Variants in SESTD1 observed in about 807,000 individuals in gnomAD.
SESTD1 encodes the protein SEC14 and spectrin domain containing 1, also known as SEC14 domain and spectrin repeat-containing protein 1.
Under a neutral mutation model 101.7 loss-of-function variants are expected in SESTD1, and 43 were observed. The observed-to-expected ratio is 0.42, with a 90% CI of 0.33 to 0.55. The LOEUF is 0.55. Among genes scored for constraint, SESTD1 ranks in the 20% least tolerant of loss-of-function variants. SESTD1 has a pLI of 0.07. For missense variants in SESTD1, 647 were observed against 815.1 expected (o/e 0.79, Z 2.51); for synonymous variants, 283 against 286.8 (o/e 0.99, Z 0.13).
At position 179,103,809 on chromosome 2, in the gene SESTD1, C is replaced by T. The variant is rs1264562873; in HGVS notation, c.*6090G>A. On this transcript the variant is annotated 3_prime_UTR_variant, in exon 18 of 18. Coordinates refer to ENST00000428443, the MANE Select transcript of SESTD1 (RefSeq NM_178123.5). The stretch of plus-strand genomic sequence containing the variant: ...GGGTGGTGATAACGTTTCCTATTTC[C>T]ATAGCACTATATGCATTTGCCAAAC... The T allele has an allele frequency of 6.6e-6, 1 of 152,080 alleles. No individual in the cohort carries two copies. The highest frequency in any genetic ancestry group is 1.9e-4 in the East Asian group (1 of 5,190). 9.4% of individuals were successfully genotyped at this position (152,080 alleles called of 1,614,324 possible). A position where few individuals can be genotyped will look rare whatever the true frequency, so the allele number is the denominator to read the frequency against.
chr2:179,257,197 C>T (rs759322543), intron 1 of SESTD1, among the ~76,000 whole-genome samples: 3 of 151,540 alleles, frequency 2.0e-5, no homozygotes, highest in Non-Finnish European at 2.9e-5. Context: ...TGAACCTATT[C>T]TGGTTCAGGG....
At chr2:179,252,218 C>T (rs1386355219) in intron 1 of SESTD1, among the ~76,000 whole-genome samples, 1 of 152,168 alleles carries the variant, frequency 6.6e-6, no homozygotes, top group Non-Finnish European at 1.5e-5. Context: ...ATTCAGAGGC[C>T]CTAATGCATC....
At chr2:179,159,223 G>T (rs1229172639) in intron 5 of SESTD1, among the ~76,000 whole-genome samples, 1 of 151,388 alleles carries the variant, frequency 6.6e-6, no homozygotes, top group East Asian at 1.9e-4. Flanking sequence ...CCAGTGCACT[G>T]CAAAAATACA....
intron 1 of SESTD1, among the ~76,000 whole-genome samples, chr2:179,199,597 CTTAT>C (rs2046469043): frequency 6.6e-6 from 1 of 152,016 alleles, no homozygotes; most frequent in African/African-American, 2.4e-5. Context: ...CATCAAAAAG[CTTAT>C]CCACCATGAT....
At chr2:179,121,726 A>AT (rs138198620) in intron 13 of SESTD1, 44 bp downstream of exon 13, 46,306 of 1,484,512 alleles carry the variant, frequency 0.031, 872 homozygotes, top group Non-Finnish European at 0.035. Flanking sequence ...TTTAACTAAT[A>AT]TTGTTATTAT....
intron 1 of SESTD1, among the ~76,000 whole-genome samples, chr2:179,255,231 C>T (rs1215521353): frequency 6.6e-6 from 1 of 152,160 alleles, no homozygotes; most frequent in Non-Finnish European, 1.5e-5. Flanking sequence ...ACATTTCTCA[C>T]TTTAAATGAA....
intron 10 of SESTD1, among the ~76,000 whole-genome samples, chr2:179,128,824 G>T (rs559905070): frequency 2.6e-5 from 4 of 151,690 alleles, no homozygotes; most frequent in Non-Finnish European, 5.9e-5. Flanking sequence ...CCATTCTCCG[G>T]TCTGTCTCTT....
At chr2:179,187,647 A>T (rs1486178412) in intron 2 of SESTD1, among the ~76,000 whole-genome samples, 1 of 152,148 alleles carries the variant, frequency 6.6e-6, no homozygotes, top group Admixed American at 6.5e-5. Flanking sequence ...CAAACAAACA[A>T]AAAACAAGAC....
chr2:179,110,529 C>T (rs2044484520), intron 17 of SESTD1, among the ~76,000 whole-genome samples: 1 of 152,180 alleles, frequency 6.6e-6, no homozygotes. Flanking sequence ...ATTTTTAGAG[C>T]TGGAAGATTT....
chr2:179,241,837 G>A (rs2047158383), intron 1 of SESTD1, among the ~76,000 whole-genome samples: 1 of 151,818 alleles, frequency 6.6e-6, no homozygotes, highest in Non-Finnish European at 1.5e-5. Flanking sequence ...CAGGAGAATG[G>A]CATGAACCCA....
intron 1 of SESTD1, among the ~76,000 whole-genome samples, chr2:179,258,199 G>A (rs950696886): frequency 6.6e-6 from 1 of 152,178 alleles, no homozygotes; most frequent in Non-Finnish European, 1.5e-5. Flanking sequence ...TTTACACAGT[G>A]CAATTCAAGA....
chr2:179,205,411 T>C lies in SESTD1; in HGVS notation c.-25-13545A>G, dbSNP rs1000796123. On this transcript the variant is annotated intron_variant, in intron 1 of 17. Transcript: ENST00000428443. ...TATTGAAGATTTCCAAGTCAAATTATTGATCTTACACCATCAAATGCTAAA... is the reference window on the plus strand; with the variant it reads ...TATTGAAGATTTCCAAGTCAAATTACTGATCTTACACCATCAAATGCTAAA... 3.0e-5 allele frequency among the ~76,000 whole-genome samples: 4 copies of C among 134,732 alleles called. 2 individuals carry two copies. Among genetic ancestry groups the C allele is most frequent in the Non-Finnish European group, 3.2e-5 (2 of 62,700 alleles). 88.4% of individuals were successfully genotyped at this position (134,732 alleles called of 152,430 possible). A position where few individuals can be genotyped will look rare whatever the true frequency, so the allele number is the denominator to read the frequency against.
At position 179,136,890 on chromosome 2, in the gene SESTD1, T is replaced by C. The variant is rs1347304391; in HGVS notation, c.850-4464A>G. Among the ~76,000 whole-genome samples, 6 of 152,244 alleles carry C rather than the reference T, an allele frequency of 3.9e-5. No homozygotes were observed. The East Asian group carries it at 1.2e-3, about 29-fold the overall frequency. ...AAAACCAGTTACATAGTAATGGACA[T>C]ATATATGTATATATATATGGCCTTA... On this transcript the variant is annotated intron_variant, in intron 9 of 17. Coordinates refer to ENST00000428443, the MANE Select transcript of SESTD1 (RefSeq NM_178123.5).
At chr2:179,196,891 A>G (rs2105503080) in intron 1 of SESTD1, among the ~76,000 whole-genome samples, 1 of 152,384 alleles carries the variant, frequency 6.6e-6, no homozygotes, top group South Asian at 2.1e-4. Flanking sequence ...AACTCTGAAA[A>G]GCAGAGCGCC....
At chr2:179,130,800 C>T (rs1179411964) in intron 10 of SESTD1, among the ~76,000 whole-genome samples, 1 of 151,766 alleles carries the variant, frequency 6.6e-6, no homozygotes, top group Non-Finnish European at 1.5e-5. Flanking sequence ...ATTGTAGACT[C>T]TAACTATAGT....
intron 1 of SESTD1, among the ~76,000 whole-genome samples, chr2:179,253,366 A>T (rs543232970): frequency 1.0e-3 from 156 of 152,302 alleles, no homozygotes; most frequent in African/African-American, 3.5e-3. Flanking sequence ...TATCCAAAGC[A>T]AGTCTCCAGT....
rs181239848 is a variant in SESTD1 at position 179,153,400 on chromosome 2, G to A, written c.370-2009C>T. ...TTGGCAAGGGAGGAAGGAAGATGTG[G>A]GAGAGAAAAAGCATCCTTACAGTGC... On this transcript the variant is annotated intron_variant, in intron 5 of 17. Coordinates refer to ENST00000428443, the MANE Select transcript of SESTD1 (RefSeq NM_178123.5). 3.4e-4 allele frequency among the ~76,000 whole-genome samples: 51 copies of A among 152,188 alleles called. No homozygotes were observed. The East Asian group carries it at 7.3e-3, about 22-fold the overall frequency.
intron 5 of SESTD1, among the ~76,000 whole-genome samples, chr2:179,155,442 C>A (rs774369086): frequency 6.6e-6 from 1 of 151,868 alleles, no homozygotes; most frequent in Non-Finnish European, 1.5e-5. Flanking sequence ...AAGATAAAAT[C>A]CCAGAGCACT....
intron 1 of SESTD1, among the ~76,000 whole-genome samples, chr2:179,207,249 A>C (rs2046602132): frequency 7.4e-6 from 1 of 135,112 alleles, no homozygotes; most frequent in Admixed American, 7.2e-5. Flanking sequence ...CACTCTCTTG[A>C]AAGTGCCACC....
Sources: allele counts gnomAD v4.1 joint callset (sites outside exome capture counted in the v4.1 genomes callset), GRCh38; gene constraint gnomAD v4.1.1; transcripts MANE v1.5; gene names NCBI Gene and HGNC (gene_info 2026-07-23, HGNC 2026-07-21).